Variants in HNRNPH1 observed in about 807,000 individuals in gnomAD.
HNRNPH1 encodes heterogeneous nuclear ribonucleoprotein H1.
HNRNPH1 carries 4 observed loss-of-function variants against 58.6 expected under a neutral mutation model. The ratio of observed to expected loss-of-function variants is 0.07; its 90% CI spans 0.03 to 0.16. HNRNPH1 has a LOEUF of 0.16. Ranked by LOEUF, HNRNPH1 falls within the 10% of genes least tolerant of loss-of-function variation. The pLI is 1.00. For missense variants in HNRNPH1, 271 were observed against 564.2 expected (o/e 0.48, Z 5.26); for synonymous variants, 192 against 189.2 (o/e 1.01, Z -0.12).
intron 1 of HNRNPH1, chr5:179,621,723 CT>C: frequency 2.5e-6 from 1 of 394,722 alleles, no homozygotes; most frequent in Non-Finnish European, 4.8e-6. Flanking sequence ...GACTGTGTGA[CT>C]TTACGGCAAA....
At position 179,632,270 on chromosome 5, in the gene HNRNPH1, C is replaced by CT. The variant is rs1562373920; in HGVS notation, c.-32+1794_-32+1795insA. On this transcript the variant is annotated intron_variant, in intron 2 of 4. Coordinates refer to the HNRNPH1 transcript ENST00000521116. ...TTGCAGTGAGCCAAGATCCCGCCACCGCACTCCAGCCTGAGTGACAGAGCG... is the reference window on the plus strand; with the variant it reads ...TTGCAGTGAGCCAAGATCCCGCCACCTGCACTCCAGCCTGAGTGACAGAGCG... Among the ~76,000 whole-genome samples the CT allele has an allele frequency of 1.2e-3, 178 of 151,628 alleles. 1 individual carries two copies. The highest frequency in any genetic ancestry group is 4.1e-3 in the African/African-American group (171 of 41,284).
rs1770249237 is a variant in HNRNPH1, at chr5:179,617,312, C to T, written c.1057+202G>A. ...ATCTGTATTGTCAATTAAGGATATA[C>T]ACTTCAAGATGTGCATATCACAAAT... On this transcript the variant is annotated intron_variant, in intron 8 of 12. Transcript: ENST00000356731. 5 of 735,980 alleles carry T rather than the reference C, an allele frequency of 6.8e-6. No individual in the cohort carries two copies. In the East Asian group the frequency reaches 1.3e-4, roughly 20 times the overall value. The allele number at this position is 735,980 out of a possible 1,614,324, so 45.6% of individuals were successfully genotyped here.
upstream of HNRNPH1, chr5:179,629,023 C>T (rs112294644): frequency 0.15 from 22,572 of 150,342 alleles, 2,009 homozygotes; most frequent in Middle Eastern, 0.23. Context: ...CCCGGCTGGG[C>T]GCGGCGGCTC....
chr5:179,621,227 C>G lies in HNRNPH1; in HGVS notation c.253+15G>C, dbSNP rs1480590618. On this transcript the variant is annotated intron_variant, in intron 2 of 12. Transcript: ENST00000356731. ...AATGCTTTATTTACTGTAACTAGGG[C>G]AATGTAAATCAAACCTTCAACATAT... is the stretch of plus-strand genomic sequence containing the variant. 6.2e-7 allele frequency: 1 copy of G among 1,609,162 alleles called. No individual in the cohort carries two copies. The highest frequency in any genetic ancestry group is 1.3e-5 in the African/African-American group (1 of 74,892).
upstream of HNRNPH1, among the ~76,000 whole-genome samples, chr5:179,626,582 G>A (rs565403202): frequency 6.6e-6 from 1 of 151,126 alleles, no homozygotes; most frequent in East Asian, 2.1e-4. Flanking sequence ...CGGGCATGGT[G>A]TCGCGTGCCT....
chr5:179,622,399 C>A (rs1158339252), intron 1 of HNRNPH1, among the ~76,000 whole-genome samples: 1 of 152,196 alleles, frequency 6.6e-6, no homozygotes, highest in Non-Finnish European at 1.5e-5. Context: ...CCCACCTATG[C>A]CAATTTATCC....
chr5:179,627,111 G>GCCC (rs1774466630), upstream of HNRNPH1, among the ~76,000 whole-genome samples: 1 of 152,162 alleles, frequency 6.6e-6, no homozygotes, highest in African/African-American at 2.4e-5. Flanking sequence ...ACAGTTTACA[G>GCCC]AGCTCTTTAT....
At chr5:179,616,721 G>A in intron 10 of HNRNPH1, 148 bp downstream of exon 11, 3 of 683,378 alleles carry the variant, frequency 4.4e-6, no homozygotes, top group Non-Finnish European at 7.5e-6. Flanking sequence ...AAGGATTTAA[G>A]TAAGCCAGAT....
intron 1 of HNRNPH1, chr5:179,621,764 G>C (rs192662990): frequency 1.6e-5 from 6 of 370,244 alleles, no homozygotes; most frequent in Non-Finnish European, 2.6e-5. Context: ...TTTTGGTCTG[G>C]GGCATTTATC....
exon 12 of HNRNPH1, chr5:179,615,589 A>G: frequency 1.3e-6 from 2 of 1,561,928 alleles, no homozygotes; most frequent in East Asian, 2.3e-5. Context: ...TTCCTGTAAA[A>G]CTTGGTCTGC....
chr5:179,628,853 C>T (rs1456890325), upstream of HNRNPH1, among the ~76,000 whole-genome samples: 1 of 152,048 alleles, frequency 6.6e-6, no homozygotes, highest in African/African-American at 2.4e-5. Flanking sequence ...TGGTGGCATA[C>T]GTCTGTAATC....
upstream of HNRNPH1, among the ~76,000 whole-genome samples, chr5:179,626,901 G>T (rs1388376410): frequency 6.8e-6 from 1 of 147,900 alleles, no homozygotes; most frequent in African/African-American, 2.6e-5. Flanking sequence ...TCAGCCTCCC[G>T]AGTAGAGTAG....
intron 12 of HNRNPH1, 43 bp downstream of exon 13, chr5:179,615,503 G>GT: frequency 9.7e-7 from 1 of 1,034,388 alleles, no homozygotes; most frequent in Non-Finnish European, 1.5e-6. Flanking sequence ...CAACATATCA[G>GT]TATTTGCTAT....
At chr5:179,631,903 G>A (rs1327229062) in intron 2 of HNRNPH1, among the ~76,000 whole-genome samples, 1 of 152,038 alleles carries the variant, frequency 6.6e-6, no homozygotes, top group African/African-American at 2.4e-5. Flanking sequence ...AGGCAAAGTG[G>A]GGAGACCCTC....
intron 12 of HNRNPH1, 200 bp downstream of exon 13, chr5:179,615,346 G>A (rs1304716396): frequency 4.1e-6 from 2 of 490,406 alleles, no homozygotes; most frequent in Non-Finnish European, 7.3e-6. Flanking sequence ...TGAGAAAAGG[G>A]AGCACAGGGG....
intron 12 of HNRNPH1, 31 bp downstream of exon 13, chr5:179,615,515 G>A (rs370725795): frequency 1.7e-6 from 2 of 1,183,630 alleles, no homozygotes; most frequent in Non-Finnish European, 2.5e-6. Context: ...ATTTGCTATT[G>A]GGAATTTATA....
exon 7 of HNRNPH1, chr5:179,617,889 C>T: frequency 6.2e-7 from 1 of 1,613,814 alleles, no homozygotes; most frequent in African/African-American, 1.3e-5. Context: ...AGCCACCATC[C>T]CCGTATCTGT....
chr5:179,631,875 G>A (rs1452767189), intron 2 of HNRNPH1, among the ~76,000 whole-genome samples: 2 of 152,098 alleles, frequency 1.3e-5, no homozygotes, highest in African/African-American at 2.4e-5. Flanking sequence ...CTGAGATCGC[G>A]CCCCTTAACT....
rs935358330 is a variant in HNRNPH1, at chr5:179,615,271, C to G, written c.*275G>C. On this transcript the variant is annotated intron_variant, in intron 12 of 12. Coordinates refer to ENST00000356731, the Ensembl canonical transcript of HNRNPH1. ...GCAAAATTACTTCGTATTTTTAAAG[C>G]TAAACAAGGCATTTTTAAAAAAAAT... 3.0e-5 allele frequency: 13 copies of G among 439,750 alleles called. No individual in the cohort carries two copies. In the South Asian group the frequency reaches 5.2e-4, roughly 17 times the overall value. The allele number at this position is 439,750 out of a possible 1,614,324, so 27.2% of individuals were successfully genotyped here.
Sources: gnomAD v4.1 joint callset for allele counts (sites outside exome capture counted in the v4.1 genomes callset) on GRCh38, gnomAD v4.1.1 for gene constraint, MANE v1.5 for transcripts, NCBI Gene and HGNC (gene_info 2026-07-23, HGNC 2026-07-21) for gene names.